TANC1: variants seen among roughly 807,000 people sequenced by gnomAD.
TANC1 encodes the protein protein TANC1.
TANC1 carries 77 observed loss-of-function variants against 149.7 expected under a neutral mutation model. The ratio of observed to expected loss-of-function variants is 0.51; its 90% CI spans 0.43 to 0.62. The LOEUF (loss-of-function observed/expected upper bound fraction) is 0.62, where lower values mean the gene tolerates loss of function less well. Ranked by LOEUF, TANC1 falls within the 20% of genes least tolerant of loss-of-function variation. The probability of loss-of-function intolerance (pLI) is 0.00; values close to 1 mark genes in which losing one functional copy is unlikely to be tolerated. For missense variants in TANC1, 1,985 were observed against 2,321.8 expected (o/e 0.85, Z 2.98); for synonymous variants, 854 against 925.0 (o/e 0.92, Z 1.39).
At chr2:159,195,033 T>C (rs182856537) in intron 17 of TANC1, among the ~76,000 whole-genome samples, 2 of 152,320 alleles carry the variant, frequency 1.3e-5, no homozygotes, top group Admixed American at 1.3e-4. Flanking sequence ...AAAATGGGCA[T>C]AACAGCAGTC....
chr2:159,022,064 A>G (rs2038872160), intron 2 of TANC1, among the ~76,000 whole-genome samples: 1 of 152,240 alleles, frequency 6.6e-6, no homozygotes, highest in South Asian at 2.1e-4. Flanking sequence ...GCTACTTAGA[A>G]GTTGCTTTGA....
chr2:159,121,403 C>T (rs2048835910), intron 4 of TANC1, among the ~76,000 whole-genome samples: 2 of 152,070 alleles, frequency 1.3e-5, no homozygotes, highest in Non-Finnish European at 2.9e-5. Context: ...GTGCAATCTT[C>T]GCTTACTGCA....
rs113201833 is a variant in TANC1 at position 159,145,438 on chromosome 2, G to A, written c.365-3704G>A. Among the ~76,000 whole-genome samples, 147 of 152,306 alleles carry A rather than the reference G, an allele frequency of 9.7e-4. 1 individual carries two copies. The highest frequency in any genetic ancestry group is 3.4e-3 in the African/African-American group (140 of 41,562). On this transcript the variant is annotated intron_variant, in intron 5 of 26. Coordinates refer to ENST00000263635, the MANE Select transcript of TANC1 (RefSeq NM_033394.3). The stretch of plus-strand genomic sequence containing the variant: ...GTTTTGAGCCTCACAACCTGTAGGA[G>A]GTGGGTATGGCCACTTCCCTCACTA...
chr2:159,044,836 C>T (rs1050559869), intron 2 of TANC1, among the ~76,000 whole-genome samples: 10 of 152,172 alleles, frequency 6.6e-5, no homozygotes, highest in Non-Finnish European at 1.3e-4. Context: ...GAGATGTGCC[C>T]ATGTACTCTG....
intron 4 of TANC1, among the ~76,000 whole-genome samples, chr2:159,121,813 A>G (rs1052310864): frequency 2.0e-5 from 3 of 152,232 alleles, no homozygotes; most frequent in Non-Finnish European, 4.4e-5. Context: ...TAGTCAATAG[A>G]AAGTCAAGAG....
chr2:159,198,401 T>C (rs558225434), intron 18 of TANC1, among the ~76,000 whole-genome samples: 3 of 152,322 alleles, frequency 2.0e-5, no homozygotes, highest in Non-Finnish European at 4.4e-5. Context: ...TGCTCGCTGC[T>C]GTTGCTCAGG....
In TANC1 at chr2:159,229,780, G is replaced by A; in HGVS notation, c.4354G>A (p.Asp1452Asn). The change falls in exon 27 of 27, where the codon GAC becomes AAC. Residue 1452 changes from aspartate to asparagine, a missense_variant. Transcript: ENST00000263635. ...GGACACCCCAACCCCTGGCTTAAGT[G>A]ACCACTTTCACTCTGAGGAGACTGA... ...EEDTPTPGLS[D>N]HFHSEETEEE... 6.2e-7 allele frequency: 1 copy of A among 1,613,618 alleles called. No individual in the cohort carries two copies. Among genetic ancestry groups the A allele is most frequent in the Non-Finnish European group, 8.5e-7 (1 of 1,179,980 alleles).
intron 3 of TANC1, among the ~76,000 whole-genome samples, chr2:159,081,600 G>C (rs1187205215): frequency 6.6e-6 from 1 of 152,196 alleles, no homozygotes; most frequent in Non-Finnish European, 1.5e-5. Context: ...GTATTGTGTT[G>C]GGGAGAAATT....
chr2:159,196,466 A>G, intron 17 of TANC1, 142 bp from the exon 18 acceptor site: 1 of 641,660 alleles, frequency 1.6e-6, no homozygotes, highest in Non-Finnish European at 2.6e-6. Context: ...CTAAGGTTCC[A>G]TGTTCTCCAG....
chr2:158,998,676 T>G (rs185401602), intron 1 of TANC1, among the ~76,000 whole-genome samples: 1 of 152,322 alleles, frequency 6.6e-6, no homozygotes, highest in Non-Finnish European at 1.5e-5. Flanking sequence ...TCATGGGATC[T>G]GTGAAGATCC....
intron 13 of TANC1, among the ~76,000 whole-genome samples, chr2:159,178,061 A>G (rs956263796): frequency 1.3e-5 from 2 of 152,284 alleles, no homozygotes; most frequent in African/African-American, 4.8e-5. Context: ...GACACAGCCC[A>G]GGGGCAGACT....
At chr2:158,970,164 G>A (rs1024052678) in intron 1 of TANC1, among the ~76,000 whole-genome samples, 3 of 151,778 alleles carry the variant, frequency 2.0e-5, no homozygotes, top group African/African-American at 4.8e-5. Flanking sequence ...GGGTGGGAGA[G>A]GAAAGGAGAA....
chr2:159,164,064 A>T (rs2054325081), intron 8 of TANC1, among the ~76,000 whole-genome samples: 1 of 152,170 alleles, frequency 6.6e-6, no homozygotes, highest in Admixed American at 6.5e-5. Flanking sequence ...CAATCAAGGA[A>T]ATGAAAATAT....
At chr2:158,974,257 A>G (rs2033324218) in intron 1 of TANC1, among the ~76,000 whole-genome samples, 1 of 152,134 alleles carries the variant, frequency 6.6e-6, no homozygotes, top group Admixed American at 6.6e-5. Context: ...TGGTGGTTAC[A>G]TGATTCATTG....
intron 7 of TANC1, among the ~76,000 whole-genome samples, chr2:159,158,255 G>A (rs1373140192): frequency 6.6e-6 from 1 of 152,140 alleles, no homozygotes; most frequent in Non-Finnish European, 1.5e-5. Flanking sequence ...AGCTACTCAG[G>A]AGGCTGAGGT....
At chr2:159,224,429 A>T in intron 23 of TANC1, 65 bp downstream of exon 23, 1 of 1,585,940 alleles carries the variant, frequency 6.3e-7, no homozygotes, top group Non-Finnish European at 8.6e-7. Context: ...AAGCCTAGAC[A>T]GCACAGAGAG....
intron 1 of TANC1, among the ~76,000 whole-genome samples, chr2:158,987,163 G>A (rs576299718): frequency 3.4e-5 from 5 of 146,270 alleles, no homozygotes; most frequent in African/African-American, 7.5e-5. Flanking sequence ...GCAGTGAGCC[G>A]AGATTGCGCC....
chr2:159,048,838 C>T (rs1200925773), intron 2 of TANC1, among the ~76,000 whole-genome samples: 2 of 152,124 alleles, frequency 1.3e-5, no homozygotes, highest in African/African-American at 4.8e-5. Flanking sequence ...GCTATGTTGC[C>T]CAGGCTGGTC....
At chr2:159,011,706 G>A (rs961748431) in intron 2 of TANC1, among the ~76,000 whole-genome samples, 1 of 151,916 alleles carries the variant, frequency 6.6e-6, no homozygotes, top group Non-Finnish European at 1.5e-5. Flanking sequence ...TGGTCAAATT[G>A]CACCTTTTTA....
Sources: allele counts gnomAD v4.1 joint callset (sites outside exome capture counted in the v4.1 genomes callset), GRCh38; gene constraint gnomAD v4.1.1; transcripts MANE v1.5; gene names NCBI Gene and HGNC (gene_info 2026-07-23, HGNC 2026-07-21).